Variants in RANBP9 observed in about 807,000 individuals in gnomAD.
The protein encoded by RANBP9 is ran-binding protein 9.
In RANBP9, 15 loss-of-function variants were observed where a neutral mutation model predicts 84.3. The observed-to-expected ratio is 0.18, with a 90% confidence interval of 0.12 to 0.27. The LOEUF is 0.27. Ranked by LOEUF, RANBP9 falls within the 10% of genes least tolerant of loss-of-function variation. The pLI is 1.00. For missense variants in RANBP9, 809 were observed against 912.8 expected (o/e 0.89, Z 1.46); for synonymous variants, 392 against 349.6 (o/e 1.12, Z -1.35).
rs541676893 is a variant in RANBP9 at position 13,653,347 on chromosome 6, A to T, written c.905-666T>A. Among the ~76,000 whole-genome samples, 47 of 152,298 alleles carry T rather than the reference A, an allele frequency of 3.1e-4. No individual in the cohort carries two copies. The South Asian group carries it at 9.3e-3, about 30-fold the overall frequency. On this transcript the variant is annotated intron_variant, in intron 4 of 13. Transcript: ENST00000011619. Reference sequence around the variant, plus strand: ...ACTTGAGCAATGGCAATATCATTGGAATAAGTCTACTGTCAACTCAACGTG... The same window carrying T: ...ACTTGAGCAATGGCAATATCATTGGTATAAGTCTACTGTCAACTCAACGTG...
chr6:13,703,863 C>T (rs1210915048), intron 1 of RANBP9, among the ~76,000 whole-genome samples: 2 of 152,186 alleles, frequency 1.3e-5, no homozygotes, highest in Non-Finnish European at 2.9e-5. Flanking sequence ...CTTCTGGTTT[C>T]CATGAAGTCA....
intron 7 of RANBP9, 123 bp downstream of exon 7, chr6:13,642,356 G>T: frequency 2.7e-6 from 1 of 369,950 alleles, no homozygotes. Context: ...AAATTCAGAG[G>T]CATCCATTTT....
At chr6:13,680,836 A>T (rs1241726002) in intron 2 of RANBP9, among the ~76,000 whole-genome samples, 2 of 152,060 alleles carry the variant, frequency 1.3e-5, no homozygotes, top group Admixed American at 1.3e-4. Flanking sequence ...AATGAGTATA[A>T]TGGTCACAAG....
rs748686549 is a variant in RANBP9, at chr6:13,639,564, T to G, written c.1524A>C (p.Ser508=). Residue 508 remains serine, a splice_region_variant and synonymous_variant, in exon 9 of 14, where the codon TCA becomes TCC. Transcript: ENST00000011619. ...ATAATGTCATAAGTTAAATCTCACC[T>G]GAAAAATGTGCGGTGCTTCCTTTGC... The part of the protein sequence containing the change: ...ASGKGSTAHF[S]GFESCSNGVI... 1 of 1,597,388 alleles carries G rather than the reference T, an allele frequency of 6.3e-7. No homozygotes were observed. Among genetic ancestry groups the G allele is most frequent in the African/African-American group, 1.3e-5 (1 of 74,498 alleles).
At position 13,634,446 on chromosome 6, in the gene RANBP9, A is replaced by C; in HGVS notation, c.1780T>G (p.Cys594Gly). 1.2e-6 allele frequency: 2 copies of C among 1,613,626 alleles called. No individual in the cohort carries two copies. Among genetic ancestry groups the C allele is most frequent in the Non-Finnish European group, 1.7e-6 (2 of 1,179,722 alleles). The stretch of plus-strand genomic sequence containing the variant: ...CACTGCAGACCCATTTCGGTGTCAC[A>C]ATCTTCCATTTCGTGGTCATGTTTA... ...SSKHDHEMEDCDTEMEVDSSQ... is the reference protein window; with the variant it reads ...SSKHDHEMEDGDTEMEVDSSQ... The change falls in exon 11 of 14, where the codon TGT becomes GGT. Residue 594 changes from cysteine to glycine, a missense_variant. By Grantham distance (159) the Cys-to-Gly change is radical (BLOSUM62 -3). Around this residue, in one of 5 missense-constraint regions of RANBP9, gnomAD observed 233 missense variants for 234.4 expected, o/e 0.99. Transcript: ENST00000011619.
Position 13,644,662 on chromosome 6 carries a change from T to C in RANBP9, c.995A>G (p.His332Arg), listed in dbSNP as rs1466398374. The C allele has an allele frequency of 6.2e-7, 1 of 1,613,314 alleles. No individual in the cohort carries two copies. The highest frequency in any genetic ancestry group is 8.5e-7 in the Non-Finnish European group (1 of 1,179,598). ...GEVVDANFGQ[H>R]PFVFDIEDYM... ...GTCTTCTATATCAAACACGAAAGGA[T>C]GTTGCCCAAAATTGGCATCGACCAC... Residue 332 changes from histidine (H) to arginine (R), a missense_variant, in exon 6 of 14, where the codon CAT (histidine) becomes CGT (arginine). Around this residue, in one of 5 missense-constraint regions of RANBP9, gnomAD observed 216 missense variants for 329.0 expected, o/e 0.66. Transcript: ENST00000011619.
At chr6:13,647,537 A>C (rs967000083) in intron 5 of RANBP9, among the ~76,000 whole-genome samples, 3 of 152,176 alleles carry the variant, frequency 2.0e-5, no homozygotes, top group African/African-American at 7.2e-5. Flanking sequence ...AACATATTGT[A>C]TATGGTATGA....
At chr6:13,702,972 T>G (rs961621748) in intron 1 of RANBP9, among the ~76,000 whole-genome samples, 1 of 152,220 alleles carries the variant, frequency 6.6e-6, no homozygotes, top group Non-Finnish European at 1.5e-5. Context: ...TAAACCTATC[T>G]GTTGCAACAG....
At chr6:13,664,385 T>C (rs1256763810) in intron 2 of RANBP9, among the ~76,000 whole-genome samples, 1 of 152,094 alleles carries the variant, frequency 6.6e-6, no homozygotes. Flanking sequence ...GTCTACGAAT[T>C]GGGCACCTCA....
intron 12 of RANBP9, among the ~76,000 whole-genome samples, chr6:13,628,635 A>G (rs1025567174): frequency 2.6e-5 from 4 of 152,334 alleles, no homozygotes; most frequent in African/African-American, 4.8e-5. Context: ...AAAATAAAAA[A>G]TGGTTTATAC....
intron 1 of RANBP9, among the ~76,000 whole-genome samples, chr6:13,703,095 C>T (rs888450531): frequency 2.2e-4 from 34 of 152,216 alleles, no homozygotes; most frequent in African/African-American, 6.0e-4. Flanking sequence ...TGGCTACAGC[C>T]TCAACTTCCT....
At chr6:13,638,018 C>T in intron 9 of RANBP9, 63 bp from the exon 10 acceptor site, 1 of 1,423,812 alleles carries the variant, frequency 7.0e-7, no homozygotes, top group Non-Finnish European at 9.4e-7. Context: ...CGGTTGTAAA[C>T]AAGTCTCCAT....
At chr6:13,659,221 GAC>G (rs1005691676) in intron 2 of RANBP9, among the ~76,000 whole-genome samples, 1 of 148,922 alleles carries the variant, frequency 6.7e-6, no homozygotes, top group Non-Finnish European at 1.5e-5. Context: ...TTTCCCAAGG[GAC>G]ACAGTACAAA....
At chr6:13,675,139 A>C (rs1765860235) in intron 2 of RANBP9, among the ~76,000 whole-genome samples, 2 of 152,250 alleles carry the variant, frequency 1.3e-5, no homozygotes, top group Non-Finnish European at 2.9e-5. Context: ...ACATATAGTC[A>C]AACTGAAAAG....
At position 13,711,011 on chromosome 6, in the gene RANBP9, C is replaced by T. The variant is rs200420535; in HGVS notation, c.495G>A (p.Leu165=). 1.9e-6 allele frequency: 3 copies of T among 1,606,904 alleles called. No homozygotes were observed. The African/African-American group carries it at 4.0e-5, about 21-fold the overall frequency. ...YPAVDEQETP[L]PRSWSPKDKF... is the part of the protein sequence containing the mutation. The stretch of plus-strand genomic sequence containing the variant: ...TGTCCTTCGGGCTCCAGGACCGAGG[C>T]AGCGGCGTCTCTTGTTCGTCCACGG... Residue 165 remains leucine, a synonymous_variant, in exon 1 of 14, where the codon CTG becomes CTA. Transcript: ENST00000011619.
chr6:13,688,988 A>AG (rs1766262026), intron 2 of RANBP9, among the ~76,000 whole-genome samples: 1 of 141,410 alleles, frequency 7.1e-6, no homozygotes, highest in Non-Finnish European at 1.5e-5. Context: ...TCCACAAAAA[A>AG]AAAAAAAAAA....
intron 11 of RANBP9, among the ~76,000 whole-genome samples, chr6:13,634,214 G>A (rs1764875324): frequency 6.6e-6 from 1 of 152,162 alleles, no homozygotes; most frequent in Admixed American, 6.5e-5. Context: ...AGCCTAAGCA[G>A]TTCAGCAAGA....
At chr6:13,660,765 G>T (rs548806423) in intron 2 of RANBP9, among the ~76,000 whole-genome samples, 14 of 152,308 alleles carry the variant, frequency 9.2e-5, no homozygotes, top group African/African-American at 3.4e-4. Flanking sequence ...TATGCCAAGT[G>T]AGACAAGAGT....
At chr6:13,635,558 T>C (rs1244149150) in intron 10 of RANBP9, among the ~76,000 whole-genome samples, 1 of 151,366 alleles carries the variant, frequency 6.6e-6, no homozygotes, top group Admixed American at 6.6e-5. Context: ...GGTAACAAAT[T>C]CTAACACCTT....
Sources: gnomAD v4.1 joint callset for allele counts (sites outside exome capture counted in the v4.1 genomes callset) on GRCh38, gnomAD v4.1.1 for gene constraint, gnomAD v4.1.1 regional missense constraint, MANE v1.5 for transcripts, NCBI Gene and HGNC (gene_info 2026-07-23, HGNC 2026-07-21) for gene names.